ZNF451: variants seen among roughly 807,000 people sequenced by gnomAD.
ZNF451 encodes zinc finger protein 451.
ZNF451 carries 80 observed loss-of-function variants against 107.1 expected under a neutral mutation model. That is an observed-to-expected ratio of 0.75 (90% CI 0.62 to 0.90). ZNF451 has a LOEUF of 0.90. ZNF451 is among the 40% of genes least tolerant of loss of function. The probability of loss-of-function intolerance (pLI) is 0.00; values close to 1 mark genes in which losing one functional copy is unlikely to be tolerated. For missense variants in ZNF451, 1,107 were observed against 1,236.2 expected (o/e 0.90, Z 1.57); for synonymous variants, 362 against 406.5 (o/e 0.89, Z 1.32).
intron 3 of ZNF451, among the ~76,000 whole-genome samples, chr6:57,120,664 T>G (rs2127956491): frequency 6.6e-6 from 1 of 152,358 alleles, no homozygotes; most frequent in Middle Eastern, 3.4e-3. Context: ...TCTTTTCATA[T>G]GCTTAATTTG....
intron 13 of ZNF451, chr6:57,159,139 G>A: frequency 1.0e-6 from 1 of 985,310 alleles, no homozygotes; most frequent in East Asian, 1.1e-4. Flanking sequence ...CCATGCAAAG[G>A]TACTGAAAAT....
Position 57,102,154 on chromosome 6 carries a change from C to T in ZNF451, c.186+3013C>T, listed in dbSNP as rs537094316. On this transcript the variant is annotated intron_variant, in intron 3 of 14. Transcript: ENST00000370706. The stretch of plus-strand genomic sequence containing the variant: ...CAAGATCCTAACTATTTTACTTGTT[C>T]CTCCTTGTACAAATAGGATCTACAG... 4.1e-6 allele frequency: 6 copies of T among 1,447,412 alleles called. No homozygotes were observed. In the African/African-American group the frequency reaches 5.7e-5, roughly 14 times the overall value. 89.7% of individuals were successfully genotyped at this position (1,447,412 alleles called of 1,614,324 possible).
intron 3 of ZNF451, chr6:57,102,754 C>A: frequency 1.0e-6 from 1 of 985,430 alleles, no homozygotes; most frequent in Non-Finnish European, 1.2e-6. Flanking sequence ...CTAGATGTCG[C>A]AGGTCTATTA....
At chr6:57,152,155 T>C (rs1832380426) in intron 11 of ZNF451, 66 bp from the exon 12 acceptor site, 3 of 1,522,128 alleles carry the variant, frequency 2.0e-6, no homozygotes, top group African/African-American at 2.8e-5. Flanking sequence ...GTGTTTTTTC[T>C]TGATAAAATT....
intron 3 of ZNF451, among the ~76,000 whole-genome samples, chr6:57,112,261 C>T (rs1016373304): frequency 2.0e-5 from 3 of 152,246 alleles, no homozygotes; most frequent in Non-Finnish European, 2.9e-5. Context: ...CAATAATAAG[C>T]GGACTTTGAA....
chr6:57,152,313 A>G lies in ZNF451; in HGVS notation c.2845A>G (p.Lys949Glu). The G allele has an allele frequency of 1.2e-6, 2 of 1,614,152 alleles. No individual in the cohort carries two copies. The highest frequency in any genetic ancestry group is 2.2e-5 in the South Asian group (2 of 91,082). Residue 949 changes from lysine to glutamate, a missense_variant, in exon 12 of 15, where the codon AAA (lysine) becomes GAA (glutamate). Physicochemically the swap from Lys to Glu is moderately conservative, Grantham distance 56 (BLOSUM62 1). Around this residue, in one of 5 missense-constraint regions of ZNF451, gnomAD observed 151 missense variants for 173.3 expected, o/e 0.87. Transcript: ENST00000370706. ...CTTCTTCCTTCATCCTCGCTGTAGT[A>G]AAAGAAAAGATGCTGCTGATTTTGC... The part of the protein sequence containing the change: ...GCFFLHPRCS[K>E]RKDAADFAIC...
At chr6:57,106,611 A>ATTTTTT in intron 3 of ZNF451, 3 of 949,158 alleles carry the variant, frequency 3.2e-6, no homozygotes, top group Non-Finnish European at 3.7e-6. Context: ...TGGCTGTGAA[A>ATTTTTT]TTTTTTTTTT....
chr6:57,099,548 G>A (rs1829488539), intron 3 of ZNF451: 1 of 715,724 alleles, frequency 1.4e-6, no homozygotes, highest in African/African-American at 1.7e-5. Flanking sequence ...AAAAGGATAT[G>A]TAGAGATCCT....
At chr6:57,102,140 C>T in intron 3 of ZNF451, 8 of 1,456,086 alleles carry the variant, frequency 5.5e-6, no homozygotes, top group Non-Finnish European at 7.2e-6. Flanking sequence ...AAGATCCTAA[C>T]TATTTTACTT....
intron 2 of ZNF451, among the ~76,000 whole-genome samples, chr6:57,098,837 A>G (rs1004356183): frequency 6.6e-6 from 1 of 152,174 alleles, no homozygotes; most frequent in African/African-American, 2.4e-5. Context: ...CTAATATTCT[A>G]CAGGGGTGTA....
chr6:57,103,892 A>G (rs1829722638), intron 3 of ZNF451: 1 of 985,310 alleles, frequency 1.0e-6, no homozygotes, highest in Non-Finnish European at 1.2e-6. Flanking sequence ...TTTTAAATCT[A>G]CTTTTCTTCC....
At chr6:57,120,908 A>AT (rs1489398722) in intron 3 of ZNF451, among the ~76,000 whole-genome samples, 1 of 151,974 alleles carries the variant, frequency 6.6e-6, no homozygotes, top group Non-Finnish European at 1.5e-5. Flanking sequence ...CTTATAAATT[A>AT]TTTTTTTCAA....
intron 9 of ZNF451, 112 bp downstream of exon 9, chr6:57,142,207 A>C (rs1831803627): frequency 7.6e-7 from 1 of 1,313,548 alleles, no homozygotes. Context: ...GAGAATATAC[A>C]GTTGCCTGGA....
rs549264392 is a variant in ZNF451 at position 57,105,263 on chromosome 6, A to G, written c.186+6122A>G. 5.1e-6 allele frequency: 5 copies of G among 985,250 alleles called. No homozygotes were observed. In the African/African-American group the frequency reaches 8.7e-5, roughly 17 times the overall value. 61.0% of individuals were successfully genotyped at this position (985,250 alleles called of 1,614,324 possible). On this transcript the variant is annotated intron_variant, in intron 3 of 14. Coordinates refer to ENST00000370706, the MANE Select transcript of ZNF451 (RefSeq NM_001031623.3). ...GATCTGGTATTCTCAAAAAGGATGT[A>G]TCTAATGATCTTGATTCTTCAAAAT...
intron 14 of ZNF451, among the ~76,000 whole-genome samples, chr6:57,167,082 A>C (rs1763931943): frequency 6.6e-6 from 1 of 152,336 alleles, no homozygotes; most frequent in Non-Finnish European, 1.5e-5. Flanking sequence ...ATGTGAAAGC[A>C]ATATGCATTT....
chr6:57,104,360 A>T, intron 3 of ZNF451: 4 of 982,802 alleles, frequency 4.1e-6, no homozygotes, highest in Non-Finnish European at 4.8e-6. Context: ...GAAATGTTTT[A>T]TGTGGCTGCA....
intron 2 of ZNF451, among the ~76,000 whole-genome samples, chr6:57,092,054 G>T (rs764977862): frequency 6.6e-6 from 1 of 152,060 alleles, no homozygotes; most frequent in Non-Finnish European, 1.5e-5. Context: ...TTCACCATGC[G>T]CTGAAGTATG....
Position 57,134,758 on chromosome 6 carries a change from C to A in ZNF451, c.590C>A (p.Pro197Gln). Reference sequence around the variant, plus strand: ...TTGCTGAGTAGGTTCGATCACTCTCCATGTGATCCAACAATTACACTACAT... The same window carrying A: ...TTGCTGAGTAGGTTCGATCACTCTCAATGTGATCCAACAATTACACTACAT... ...LGHLKRFDHS[P>Q]CDPTITLHGP... Residue 197 changes from proline to glutamine, a missense_variant, in exon 7 of 15, where the codon CCA (proline) becomes CAA (glutamine). Physicochemically the swap from Pro to Gln is moderately conservative, Grantham distance 76 (BLOSUM62 -1). Coordinates refer to ENST00000370706, the MANE Select transcript of ZNF451 (RefSeq NM_001031623.3). 6.2e-7 allele frequency: 1 copy of A among 1,613,022 alleles called. No individual in the cohort carries two copies. The highest frequency in any genetic ancestry group is 8.5e-7 in the Non-Finnish European group (1 of 1,179,580).
intron 3 of ZNF451, chr6:57,116,156 A>G (rs572408035): frequency 1.3e-5 from 2 of 152,344 alleles, no homozygotes; most frequent in African/African-American, 4.8e-5. Context: ...ACATTAAATT[A>G]CACGTCAGTA....
Sources: allele counts gnomAD v4.1 joint callset (sites outside exome capture counted in the v4.1 genomes callset), GRCh38; gene constraint gnomAD v4.1.1; regional missense constraint gnomAD v4.1.1; transcripts MANE v1.5; gene names NCBI Gene and HGNC (gene_info 2026-07-23, HGNC 2026-07-21).